The following GMDS variants were observed in gnomAD, a reference collection of about 807,000 sequenced individuals.
The protein encoded by GMDS is GDP-mannose 4,6 dehydratase.
Under a neutral mutation model 49.9 loss-of-function variants are expected in GMDS, and 20 were observed. The observed-to-expected ratio is 0.40, with a 90% CI of 0.28 to 0.58. GMDS has a LOEUF of 0.58. Ranked by LOEUF, GMDS falls within the 20% of genes least tolerant of loss-of-function variation. The probability of loss-of-function intolerance (pLI) is 0.42; values close to 1 mark genes in which losing one functional copy is unlikely to be tolerated. For synonymous variants in GMDS, 177 were observed against 178.6 expected (o/e 0.99, Z 0.07); for missense variants, 362 against 481.4 (o/e 0.75, Z 2.32).
chr6:1,738,003 CACAG>C (rs1385925172), intron 8 of GMDS, among the ~76,000 whole-genome samples: 2 of 126,868 alleles, frequency 1.6e-5, no homozygotes, highest in East Asian at 2.5e-4. Context: ...ACACCACACA[CACAG>C]ACACACATAC....
chr6:1,923,828 A>G (rs780800038), intron 7 of GMDS, among the ~76,000 whole-genome samples: 1 of 152,254 alleles, frequency 6.6e-6, no homozygotes, highest in Non-Finnish European at 1.5e-5. Flanking sequence ...AACATAGGAT[A>G]CAAAATGCTA....
intron 6 of GMDS, among the ~76,000 whole-genome samples, chr6:1,945,148 C>G (rs1763018898): frequency 6.6e-6 from 1 of 151,942 alleles, no homozygotes. Flanking sequence ...TGTCGACATA[C>G]AATATAAAGT....
At chr6:2,185,397 C>T (rs1177355335) in intron 1 of GMDS, among the ~76,000 whole-genome samples, 3 of 152,160 alleles carry the variant, frequency 2.0e-5, no homozygotes, top group Non-Finnish European at 2.9e-5. Flanking sequence ...CTTTACATTA[C>T]GTATTCTTTG....
chr6:1,687,737 A>T (rs752028057), intron 9 of GMDS, among the ~76,000 whole-genome samples: 4 of 151,816 alleles, frequency 2.6e-5, no homozygotes, highest in Admixed American at 6.6e-5. Flanking sequence ...AGACTGAAAG[A>T]GTGTGGGGAG....
chr6:2,184,404 T>C (rs1778687951), intron 1 of GMDS, among the ~76,000 whole-genome samples: 1 of 152,098 alleles, frequency 6.6e-6, no homozygotes, highest in African/African-American at 2.4e-5. Flanking sequence ...TCCCCCCACC[T>C]CTCTTAACGA....
intron 8 of GMDS, among the ~76,000 whole-genome samples, chr6:1,732,219 C>T (rs564556146): frequency 3.3e-4 from 50 of 152,092 alleles, no homozygotes; most frequent in African/African-American, 8.9e-4. Context: ...CCCAGCTACT[C>T]GGGAGGCTGA....
At chr6:1,939,506 T>C (rs973324641) in intron 6 of GMDS, among the ~76,000 whole-genome samples, 1 of 151,572 alleles carries the variant, frequency 6.6e-6, no homozygotes, top group Non-Finnish European at 1.5e-5. Flanking sequence ...TATACACACA[T>C]GCATATATAT....
At chr6:1,816,980 T>C (rs916258136) in intron 7 of GMDS, among the ~76,000 whole-genome samples, 10 of 151,252 alleles carry the variant, frequency 6.6e-5, no homozygotes, top group African/African-American at 2.4e-4. Flanking sequence ...AATATTTTTT[T>C]CCTTAATTCT....
Position 2,174,728 on chromosome 6 carries a change from A to C in GMDS, c.103-49997T>G, listed in dbSNP as rs1202899538. On this transcript the variant is annotated intron_variant, in intron 1 of 10. Coordinates refer to ENST00000380815, the MANE Select transcript of GMDS (RefSeq NM_001500.4). Reference sequence around the variant, plus strand: ...GACTGCAGGCACGTGCCACCATGCCAGGCTAACTTTTTGTATTTTTAGTAG... The same window carrying C: ...GACTGCAGGCACGTGCCACCATGCCCGGCTAACTTTTTGTATTTTTAGTAG... Among the ~76,000 whole-genome samples the C allele has an allele frequency of 4.6e-5, 7 of 151,890 alleles. No homozygotes were observed. In the South Asian group the frequency reaches 1.5e-3, roughly 32 times the overall value.
intron 7 of GMDS, among the ~76,000 whole-genome samples, chr6:1,877,959 G>A (rs1759159478): frequency 6.6e-6 from 1 of 152,158 alleles, no homozygotes; most frequent in Non-Finnish European, 1.5e-5. Flanking sequence ...TTGGCCATTT[G>A]ATTGGCTACA....
chr6:1,769,915 T>C (rs1768510468), intron 7 of GMDS, among the ~76,000 whole-genome samples: 1 of 152,094 alleles, frequency 6.6e-6, no homozygotes, highest in Non-Finnish European at 1.5e-5. Context: ...TTAGAGGAGA[T>C]GGGGTTTTGC....
intron 9 of GMDS, among the ~76,000 whole-genome samples, chr6:1,693,669 T>C (rs1261920883): frequency 6.6e-6 from 1 of 152,242 alleles, no homozygotes; most frequent in Non-Finnish European, 1.5e-5. Flanking sequence ...GCTGTCTTAA[T>C]GCTAGTGTTT....
At chr6:1,818,608 C>CA (rs564065617) in intron 7 of GMDS, among the ~76,000 whole-genome samples, 1,710 of 48,836 alleles carry the variant, frequency 0.035, 21 homozygotes, top group East Asian at 0.08. Context: ...GACTTCATCT[C>CA]AAAAAAAAAA....
chr6:2,104,280 C>T (rs752066207), intron 4 of GMDS, among the ~76,000 whole-genome samples: 1 of 152,186 alleles, frequency 6.6e-6, no homozygotes. Flanking sequence ...TGGGATTTGT[C>T]CAGAAATTCA....
intron 4 of GMDS, among the ~76,000 whole-genome samples, chr6:2,018,420 T>C (rs1479985902): frequency 2.6e-5 from 4 of 152,158 alleles, no homozygotes; most frequent in African/African-American, 9.7e-5. Flanking sequence ...TGAGCAACCA[T>C]CAACATAGTC....
intron 4 of GMDS, among the ~76,000 whole-genome samples, chr6:1,962,414 G>A (rs1047209495): frequency 4.6e-5 from 7 of 152,128 alleles, no homozygotes; most frequent in African/African-American, 1.7e-4. Context: ...TATATACCTA[G>A]GAATGTAGTT....
At chr6:2,238,956 C>T (rs1354898291) in intron 1 of GMDS, among the ~76,000 whole-genome samples, 1 of 152,170 alleles carries the variant, frequency 6.6e-6, no homozygotes, top group East Asian at 1.9e-4. Flanking sequence ...CAACATACAA[C>T]TCATATGAAT....
rs77495626 is a variant in GMDS at position 1,740,489 on chromosome 6, G to A, written c.890+1979C>T. Among the ~76,000 whole-genome samples the A allele has an allele frequency of 2.7e-4, 41 of 152,026 alleles. No individual in the cohort carries two copies. In the East Asian group the frequency reaches 6.6e-3, roughly 24 times the overall value. Reference sequence around the variant, plus strand: ...GGAGAATCACTGGAACCCAGAAGGCGGAGGTTGTAGTGAGCCAAGATCGTG... The same window carrying A: ...GGAGAATCACTGGAACCCAGAAGGCAGAGGTTGTAGTGAGCCAAGATCGTG... On this transcript the variant is annotated intron_variant, in intron 8 of 10. Transcript: ENST00000380815.
intron 4 of GMDS, among the ~76,000 whole-genome samples, chr6:2,106,727 G>C (rs1486227202): frequency 6.6e-6 from 1 of 152,044 alleles, no homozygotes; most frequent in African/African-American, 2.4e-5. Flanking sequence ...GCTGAGCGTG[G>C]TGGTGGGCAC....
Sources: gnomAD v4.1 joint callset for allele counts (sites outside exome capture counted in the v4.1 genomes callset) on GRCh38, gnomAD v4.1.1 for gene constraint, MANE v1.5 for transcripts, NCBI Gene and HGNC (gene_info 2026-07-23, HGNC 2026-07-21) for gene names.